CSGALNACT1: variants seen among roughly 807,000 people sequenced by gnomAD.
CSGALNACT1 encodes beta4GalNAcT-1.
A neutral mutation model predicts 51.0 loss-of-function variants in CSGALNACT1; 52 were observed. The observed-to-expected ratio is 1.02, with a 90% CI of 0.82 to 1.29. The LOEUF is 1.29. CSGALNACT1 is among the 50% of genes most tolerant of loss of function. The pLI, the probability that CSGALNACT1 is intolerant of heterozygous loss-of-function variation, is 0.00. For missense variants in CSGALNACT1, 935 were observed against 679.2 expected (o/e 1.38, Z -4.19); for synonymous variants, 341 against 254.4 (o/e 1.34, Z -3.24).
At position 19,477,714 on chromosome 8, in the gene CSGALNACT1, T is replaced by A. The variant is rs79451554; in HGVS notation, c.635-19072A>T. 4.7e-3 allele frequency among the ~76,000 whole-genome samples: 723 copies of A among 152,324 alleles called. 8 individuals carry two copies. Among genetic ancestry groups the A allele is most frequent in the Non-Finnish European group, 8.3e-3 (568 of 68,030 alleles). Reference sequence around the variant, plus strand: ...GCAAGGTGCTTAACCTTTCTTTGCATCTATGTCTTCACTTCTAAAATAAGA... The same window carrying A: ...GCAAGGTGCTTAACCTTTCTTTGCAACTATGTCTTCACTTCTAAAATAAGA... On this transcript the variant is annotated intron_variant, in intron 4 of 9. Transcript: ENST00000454498.
intron 1 of CSGALNACT1, among the ~76,000 whole-genome samples, chr8:19,700,527 C>A (rs998713583): frequency 2.0e-5 from 3 of 152,106 alleles, no homozygotes; most frequent in African/African-American, 7.2e-5. Flanking sequence ...TATGACACAG[C>A]CTTCCTCACC....
At chr8:19,613,051 G>T (rs189710827) in intron 1 of CSGALNACT1, among the ~76,000 whole-genome samples, 1 of 147,804 alleles carries the variant, frequency 6.8e-6, no homozygotes, top group East Asian at 2.0e-4. Flanking sequence ...CATATTTTGG[G>T]GTTTTCACTG....
At chr8:19,556,800 C>G (rs933520867) in intron 3 of CSGALNACT1, among the ~76,000 whole-genome samples, 2 of 151,906 alleles carry the variant, frequency 1.3e-5, no homozygotes, top group South Asian at 2.1e-4. Context: ...AAAGACCTAG[C>G]AATTTTCAGG....
chr8:19,694,630 C>T (rs910852295), intron 1 of CSGALNACT1, among the ~76,000 whole-genome samples: 11 of 152,180 alleles, frequency 7.2e-5, no homozygotes, highest in East Asian at 1.9e-4. Context: ...TTAGTGCTCA[C>T]GAGGCCTTCT....
At chr8:19,506,207 C>A (rs577900789) in intron 3 of CSGALNACT1, 77 bp from the exon 3 acceptor site, 4 of 444,096 alleles carry the variant, frequency 9.0e-6, no homozygotes, top group South Asian at 7.2e-5. Flanking sequence ...AATCAATATC[C>A]AATAGATCTC....
At chr8:19,668,878 T>A (rs2059581139) in intron 1 of CSGALNACT1, among the ~76,000 whole-genome samples, 1 of 152,106 alleles carries the variant, frequency 6.6e-6, no homozygotes, top group South Asian at 2.1e-4. Context: ...AATGGGAAAA[T>A]GGGATCAATC....
At chr8:19,407,317 G>C (rs1355824406) in intron 9 of CSGALNACT1, among the ~76,000 whole-genome samples, 1 of 152,042 alleles carries the variant, frequency 6.6e-6, no homozygotes, top group Non-Finnish European at 1.5e-5. Flanking sequence ...GTAGCTTTAG[G>C]TCTTGGACCT....
intron 6 of CSGALNACT1, among the ~76,000 whole-genome samples, chr8:19,426,739 G>A (rs972393189): frequency 6.6e-6 from 1 of 152,102 alleles, no homozygotes; most frequent in Admixed American, 6.6e-5. Context: ...AGGTTATAAT[G>A]ACCTGACAAA....
chr8:19,604,544 C>G (rs531592637), upstream of CSGALNACT1, among the ~76,000 whole-genome samples: 1 of 152,216 alleles, frequency 6.6e-6, no homozygotes, highest in African/African-American at 2.4e-5. Context: ...GAAAGCGAGC[C>G]TTTGCTCTGT....
At chr8:19,610,411 T>TGCCCAAATGTTGCATTTCCC (rs1363853325) in intron 1 of CSGALNACT1, among the ~76,000 whole-genome samples, 4 of 151,494 alleles carry the variant, frequency 2.6e-5, no homozygotes, top group Non-Finnish European at 5.9e-5. Flanking sequence ...AGGCATTTCC[T>TGCCCAAATGTTGCATTTCCC]GCCCAAATGT....
intron 3 of CSGALNACT1, among the ~76,000 whole-genome samples, chr8:19,545,633 T>C (rs772348180): frequency 1.3e-5 from 2 of 151,826 alleles, no homozygotes; most frequent in African/African-American, 4.8e-5. Flanking sequence ...ATGAGTATGC[T>C]AAAAAGATAA....
chr8:19,630,686 A>T (rs1358166052), intron 1 of CSGALNACT1, among the ~76,000 whole-genome samples: 1 of 152,158 alleles, frequency 6.6e-6, no homozygotes, highest in Admixed American at 6.5e-5. Context: ...CTGTCTCTAT[A>T]GTTTTATCTT....
chr8:19,424,560 G>C (rs1023246189), intron 6 of CSGALNACT1, among the ~76,000 whole-genome samples: 6 of 152,216 alleles, frequency 3.9e-5, no homozygotes, highest in Middle Eastern at 3.2e-3. Flanking sequence ...AAGTGGGGCA[G>C]CCTCCTCATC....
chr8:19,476,612 CAG>C (rs938881172), intron 4 of CSGALNACT1, among the ~76,000 whole-genome samples: 12 of 152,156 alleles, frequency 7.9e-5, no homozygotes, highest in African/African-American at 2.9e-4. Context: ...TCTTGAATCA[CAG>C]GGGCCTATAA....
chr8:19,588,446 T>A (rs2047124879), intron 3 of CSGALNACT1, among the ~76,000 whole-genome samples: 1 of 152,124 alleles, frequency 6.6e-6, no homozygotes, highest in South Asian at 2.1e-4. Flanking sequence ...CCAAGCAAAC[T>A]CAGAAAGAAT....
chr8:19,568,358 C>T (rs567482249), intron 3 of CSGALNACT1, among the ~76,000 whole-genome samples: 12 of 152,102 alleles, frequency 7.9e-5, no homozygotes, highest in Admixed American at 3.9e-4. Context: ...ATAGAAAAGG[C>T]ATAGGGAAAA....
At chr8:19,603,540 G>C (rs528792617), upstream of CSGALNACT1, among the ~76,000 whole-genome samples, 222 of 152,330 alleles carry the variant, frequency 1.5e-3, 1 homozygote, top group Middle Eastern at 3.4e-3. Flanking sequence ...TGCCTAAGTG[G>C]AATAATCACT....
intron 8 of CSGALNACT1, among the ~76,000 whole-genome samples, chr8:19,416,226 T>A (rs2056849459): frequency 6.7e-6 from 1 of 150,180 alleles, no homozygotes; most frequent in Admixed American, 6.7e-5. Context: ...GTGATTCTCC[T>A]GCCTCAGCCT....
intron 3 of CSGALNACT1, among the ~76,000 whole-genome samples, chr8:19,563,410 G>A (rs967141925): frequency 6.6e-6 from 1 of 152,116 alleles, no homozygotes; most frequent in African/African-American, 2.4e-5. Flanking sequence ...TGTATATCCT[G>A]CACGTGTAAC....
Sources: allele counts gnomAD v4.1 joint callset (sites outside exome capture counted in the v4.1 genomes callset), GRCh38; gene constraint gnomAD v4.1.1; transcripts MANE v1.5; gene names NCBI Gene and HGNC (gene_info 2026-07-23, HGNC 2026-07-21).